Variants in ANGPT1 observed in about 807,000 individuals in gnomAD.
ANGPT1 encodes angiopoietin 1.
Under a neutral mutation model 62.2 loss-of-function variants are expected in ANGPT1, and 17 were observed. The observed-to-expected ratio is 0.27, with a 90% CI of 0.19 to 0.41. The LOEUF is 0.41. Among genes scored for constraint, ANGPT1 ranks in the 10% least tolerant of loss-of-function variants. The pLI, the probability that ANGPT1 is intolerant of heterozygous loss-of-function variation, is 1.00. For synonymous variants in ANGPT1, 199 were observed against 198.9 expected, an observed-to-expected ratio of 1.00 and a Z score of 0.00; for missense variants, 478 against 594.9, an observed-to-expected ratio of 0.80 and a Z score of 2.04.
At chr8:107,412,500 A>T (rs1210358969) in intron 1 of ANGPT1, among the ~76,000 whole-genome samples, 1 of 152,180 alleles carries the variant, frequency 6.6e-6, no homozygotes, top group East Asian at 1.9e-4. Context: ...TTCTGATAGT[A>T]TATGTACACA....
intron 1 of ANGPT1, among the ~76,000 whole-genome samples, chr8:107,397,275 C>T (rs1411184718): frequency 1.3e-5 from 2 of 152,068 alleles, no homozygotes; most frequent in Non-Finnish European, 2.9e-5. Flanking sequence ...TCCCCAAGGC[C>T]AATGTGCCAA....
chr8:107,280,111 C>A (rs1212344967), intron 7 of ANGPT1, among the ~76,000 whole-genome samples: 1 of 152,088 alleles, frequency 6.6e-6, no homozygotes, highest in Non-Finnish European at 1.5e-5. Flanking sequence ...CAAATTGGGG[C>A]AAGAGGGTCT....
At chr8:107,293,050 A>T (rs1814317157) in intron 6 of ANGPT1, among the ~76,000 whole-genome samples, 1 of 152,124 alleles carries the variant, frequency 6.6e-6, no homozygotes, top group African/African-American at 2.4e-5. Flanking sequence ...CGACTATGTG[A>T]TTACTGGATT....
intron 5 of ANGPT1, among the ~76,000 whole-genome samples, chr8:107,296,137 T>C (rs945205825): frequency 1.3e-5 from 2 of 152,064 alleles, no homozygotes; most frequent in African/African-American, 2.4e-5. Flanking sequence ...TGAAGACAAA[T>C]GCAATTACTT....
At chr8:107,360,561 ATTATTTTTAAAATATGG>A (rs1354355342) in intron 1 of ANGPT1, among the ~76,000 whole-genome samples, 2 of 152,178 alleles carry the variant, frequency 1.3e-5, no homozygotes, top group African/African-American at 4.8e-5. Flanking sequence ...TGACTAGCAC[ATTATTTTTAAAATATGG>A]TTTCAAGCCT....
intron 1 of ANGPT1, among the ~76,000 whole-genome samples, chr8:107,408,460 G>A (rs16876241): frequency 0.091 from 13,797 of 152,042 alleles, 701 homozygotes; most frequent in Non-Finnish European, 0.12. Flanking sequence ...GTGTTCCTCC[G>A]TCTGATACTA....
intron 1 of ANGPT1, among the ~76,000 whole-genome samples, chr8:107,370,700 C>CAAAAAAA (rs71308729): frequency 6.6e-4 from 50 of 75,564 alleles, no homozygotes; most frequent in Non-Finnish European, 7.2e-4. Context: ...AAGACTCTGT[C>CAAAAAAA]AAAAAAAAAA....
chr8:107,352,991 A>C (rs1219841969), intron 1 of ANGPT1, among the ~76,000 whole-genome samples: 1 of 152,140 alleles, frequency 6.6e-6, no homozygotes, highest in Non-Finnish European at 1.5e-5. Flanking sequence ...CTGAAGCCAA[A>C]TATATTATTT....
intron 1 of ANGPT1, among the ~76,000 whole-genome samples, chr8:107,426,696 T>C (rs772766498): frequency 1.3e-5 from 2 of 152,338 alleles, no homozygotes; most frequent in Non-Finnish European, 2.9e-5. Flanking sequence ...ATTCTTGGGA[T>C]AGAAGATTCT....
intron 1 of ANGPT1, among the ~76,000 whole-genome samples, chr8:107,398,730 AT>A (rs1816986089): frequency 6.6e-6 from 1 of 152,098 alleles, no homozygotes; most frequent in African/African-American, 2.4e-5. Flanking sequence ...AACCAACATC[AT>A]TTCTTATTAT....
intron 1 of ANGPT1, among the ~76,000 whole-genome samples, chr8:107,404,256 T>A (rs1348010412): frequency 6.6e-6 from 1 of 152,168 alleles, no homozygotes; most frequent in Non-Finnish European, 1.5e-5. Context: ...TCATTTTAAA[T>A]CATTCTAATT....
intron 7 of ANGPT1, among the ~76,000 whole-genome samples, chr8:107,280,160 T>A (rs1416277850): frequency 6.6e-6 from 1 of 152,090 alleles, no homozygotes; most frequent in Non-Finnish European, 1.5e-5. Flanking sequence ...ATACAATGTA[T>A]CTTGCAAGAA....
chr8:107,389,644 A>G (rs1816796507), intron 1 of ANGPT1, among the ~76,000 whole-genome samples: 1 of 152,208 alleles, frequency 6.6e-6, no homozygotes, highest in African/African-American at 2.4e-5. Context: ...AAGGCCAAAC[A>G]GAGGATAACA....
chr8:107,305,605 C>G (rs1351524921), intron 4 of ANGPT1, among the ~76,000 whole-genome samples: 1 of 151,906 alleles, frequency 6.6e-6, no homozygotes. Flanking sequence ...AATACAAATT[C>G]TATACTTGGG....
chr8:107,415,724 A>C (rs1190661187), intron 1 of ANGPT1, among the ~76,000 whole-genome samples: 1 of 152,172 alleles, frequency 6.6e-6, no homozygotes, highest in East Asian at 1.9e-4. Context: ...ACAAACAATA[A>C]AAAGAAATTT....
intron 1 of ANGPT1, among the ~76,000 whole-genome samples, chr8:107,412,302 C>T (rs150841242): frequency 5.1e-4 from 77 of 152,164 alleles, no homozygotes; most frequent in African/African-American, 1.7e-3. Flanking sequence ...ACTAATTGAA[C>T]CAATCAAGTC....
At chr8:107,357,906 TG>T (rs1409476947) in intron 1 of ANGPT1, among the ~76,000 whole-genome samples, 2 of 152,216 alleles carry the variant, frequency 1.3e-5, no homozygotes, top group East Asian at 3.8e-4. Flanking sequence ...AATCCTTCAC[TG>T]TTCAACACTC....
Position 107,379,842 on chromosome 8 carries a change from G to A in ANGPT1, c.298-32745C>T, listed in dbSNP as rs573815184. ...TTCAACTTTTTAAGCTACTAAAAGC[G>A]TGCAAATTAGATTGTTATTGTTATT... On this transcript the variant is annotated intron_variant, in intron 1 of 8. Transcript: ENST00000517746. 7.4e-4 allele frequency among the ~76,000 whole-genome samples: 112 copies of A among 152,202 alleles called. 1 individual carries two copies. The highest frequency in any genetic ancestry group is 3.4e-3 in the Middle Eastern group (1 of 292).
intron 4 of ANGPT1, among the ~76,000 whole-genome samples, chr8:107,305,872 T>C (rs1814703118): frequency 6.6e-6 from 1 of 151,998 alleles, no homozygotes; most frequent in African/African-American, 2.4e-5. Flanking sequence ...CACTTTAGAG[T>C]AGCAAGGCAT....
Sources: gnomAD v4.1 joint callset for allele counts (sites outside exome capture counted in the v4.1 genomes callset) on GRCh38, gnomAD v4.1.1 for gene constraint, MANE v1.5 for transcripts, NCBI Gene and HGNC (gene_info 2026-07-23, HGNC 2026-07-21) for gene names.